The following CTNNA2 variants were observed in gnomAD, a reference collection of about 807,000 sequenced individuals.
The protein encoded by CTNNA2 is catenin alpha-2.
Under a neutral mutation model 101.0 loss-of-function variants are expected in CTNNA2, and 42 were observed. The ratio of observed to expected loss-of-function variants is 0.42; its 90% CI spans 0.32 to 0.54. The LOEUF (loss-of-function observed/expected upper bound fraction) is 0.54, where lower values mean the gene tolerates loss of function less well. Among genes scored for constraint, CTNNA2 ranks in the 20% least tolerant of loss-of-function variants. The probability of loss-of-function intolerance (pLI) is 0.14; values close to 1 mark genes in which losing one functional copy is unlikely to be tolerated. For missense variants in CTNNA2, 871 were observed against 1,223.1 expected (o/e 0.71, Z 4.29); for synonymous variants, 450 against 456.4 (o/e 0.99, Z 0.18).
chr2:80,115,892 T>C (rs1308905464), intron 7 of CTNNA2, among the ~76,000 whole-genome samples: 1 of 152,152 alleles, frequency 6.6e-6, no homozygotes, highest in African/African-American at 2.4e-5. Flanking sequence ...GTGAGATGTA[T>C]TTGGACAGTT....
chr2:80,356,885 C>G (rs572374487), intron 7 of CTNNA2, among the ~76,000 whole-genome samples: 5 of 152,292 alleles, frequency 3.3e-5, no homozygotes, highest in African/African-American at 9.6e-5. Context: ...CTTTTGGTAT[C>G]AAGTATAAAA....
intron 2 of CTNNA2, among the ~76,000 whole-genome samples, chr2:79,724,049 A>G (rs1372930321): frequency 6.6e-6 from 1 of 152,074 alleles, no homozygotes; most frequent in Non-Finnish European, 1.5e-5. Context: ...TTCCTCAACC[A>G]CCATCTCAGT....
At chr2:80,220,640 G>A (rs576026179) in intron 7 of CTNNA2, among the ~76,000 whole-genome samples, 1 of 152,284 alleles carries the variant, frequency 6.6e-6, no homozygotes, top group South Asian at 2.1e-4. Context: ...CATTTGTCAT[G>A]GATAGTCACA....
intron 5 of CTNNA2, among the ~76,000 whole-genome samples, chr2:79,507,913 C>G (rs900268107): frequency 6.6e-6 from 1 of 152,228 alleles, no homozygotes; most frequent in African/African-American, 2.4e-5. Context: ...TTTCACCCAG[C>G]ACACGCCAAT....
intron 1 of CTNNA2, among the ~76,000 whole-genome samples, chr2:79,572,118 G>T (rs1167899728): frequency 6.6e-6 from 1 of 151,904 alleles, no homozygotes; most frequent in Non-Finnish European, 1.5e-5. Flanking sequence ...TTTTAACTTG[G>T]CTGTCTTCCA....
intron 7 of CTNNA2, among the ~76,000 whole-genome samples, chr2:80,141,118 T>C (rs974427177): frequency 2.0e-4 from 31 of 152,076 alleles, no homozygotes; most frequent in African/African-American, 5.8e-4. Context: ...ATGTGCTTCT[T>C]CTTAGGACCG....
At chr2:80,138,360 A>G (rs1702812936) in intron 7 of CTNNA2, among the ~76,000 whole-genome samples, 1 of 152,206 alleles carries the variant, frequency 6.6e-6, no homozygotes, top group Non-Finnish European at 1.5e-5. Flanking sequence ...TAGGCTAGTT[A>G]CATAGCCTAT....
At chr2:80,567,888 A>G (rs111433075) in intron 12 of CTNNA2, among the ~76,000 whole-genome samples, 2,698 of 151,260 alleles carry the variant, frequency 0.018, 42 homozygotes, top group Middle Eastern at 0.031. Flanking sequence ...TCTTTTTTTT[A>G]TTTTATGTTA....
At chr2:80,358,722 A>G (rs1674092296) in intron 7 of CTNNA2, among the ~76,000 whole-genome samples, 1 of 152,112 alleles carries the variant, frequency 6.6e-6, no homozygotes, top group South Asian at 2.1e-4. Flanking sequence ...ATTTCCTTGT[A>G]TATCTTTAAG....
intron 2 of CTNNA2, among the ~76,000 whole-genome samples, chr2:79,218,780 G>A (rs1227211301): frequency 6.6e-6 from 1 of 152,110 alleles, no homozygotes; most frequent in Non-Finnish European, 1.5e-5. Context: ...CTGCTTTAAA[G>A]TTTTTCAAAA....
intron 2 of CTNNA2, among the ~76,000 whole-genome samples, chr2:79,312,517 A>T (rs963374501): frequency 6.6e-6 from 1 of 152,192 alleles, no homozygotes; most frequent in Middle Eastern, 3.2e-3. Flanking sequence ...CCTGTTAGGT[A>T]TTAGATTGTG....
At chr2:79,454,703 TCTCATAAGAGAAATAATGCAGA>T (rs66828136) in intron 4 of CTNNA2, among the ~76,000 whole-genome samples, 50,530 of 151,924 alleles carry the variant, frequency 0.33, 8,900 homozygotes, top group Non-Finnish European at 0.38. Flanking sequence ...AGCCATTATT[TCTCATAAGAGAAATAATGCAGA>T]CTCATAAGAG....
At chr2:80,504,772 C>T (rs1257988840) in intron 9 of CTNNA2, among the ~76,000 whole-genome samples, 3 of 152,210 alleles carry the variant, frequency 2.0e-5, no homozygotes, top group South Asian at 4.2e-4. Context: ...TCATCACTGC[C>T]TGACCTAGGG....
intron 2 of CTNNA2, among the ~76,000 whole-genome samples, chr2:79,249,517 G>C (rs1231282971): frequency 2.0e-5 from 3 of 152,060 alleles, no homozygotes; most frequent in Non-Finnish European, 2.9e-5. Context: ...CTTTTCTTTG[G>C]AGCTTCCAAA....
intron 7 of CTNNA2, among the ~76,000 whole-genome samples, chr2:79,916,442 G>A (rs1686208347): frequency 6.9e-6 from 1 of 145,322 alleles, no homozygotes; most frequent in Non-Finnish European, 1.5e-5. Flanking sequence ...TATTAATTTT[G>A]AACTTCAGAT....
chr2:79,202,727 C>CGTTTGTTTGTTT lies in CTNNA2; in HGVS notation c.-406+4655_-406+4656insGTTTGTTTGTTT, dbSNP rs200047453. Among the ~76,000 whole-genome samples the CGTTTGTTTGTTT allele has an allele frequency of 2.0e-3, 218 of 107,168 alleles. 1 individual carries two copies. Among genetic ancestry groups the CGTTTGTTTGTTT allele is most frequent in the African/African-American group, 5.4e-3 (108 of 20,094 alleles). 70.3% of individuals were successfully genotyped at this position (107,168 alleles called of 152,430 possible). ...GGGGGTGGAAGGGCTTATGGTTCTA[C>CGTTTGTTTGTTT]GTTTCTTTGTTTGTTTGTTTGTTTG... On this transcript the variant is annotated intron_variant, in intron 2 of 21. Coordinates refer to the CTNNA2 transcript ENST00000466387.
At chr2:80,468,501 C>T (rs536078925) in intron 9 of CTNNA2, among the ~76,000 whole-genome samples, 18 of 152,140 alleles carry the variant, frequency 1.2e-4, no homozygotes, top group Non-Finnish European at 2.5e-4. Context: ...TCACTGCAAC[C>T]TCCACCTCCC....
chr2:80,568,314 C>T (rs778552553), intron 12 of CTNNA2, among the ~76,000 whole-genome samples: 24 of 152,130 alleles, frequency 1.6e-4, no homozygotes, highest in Non-Finnish European at 1.2e-4. Context: ...TCACTTTGTC[C>T]GTGAAATACT....
chr2:80,532,844 T>TAATC (rs1241261389), intron 9 of CTNNA2, among the ~76,000 whole-genome samples: 5 of 152,124 alleles, frequency 3.3e-5, no homozygotes, highest in Non-Finnish European at 7.3e-5. Context: ...TTACTTTGAT[T>TAATC]AATCAATTAG....
Sources: gnomAD v4.1 joint callset for allele counts (sites outside exome capture counted in the v4.1 genomes callset) on GRCh38, gnomAD v4.1.1 for gene constraint, MANE v1.5 for transcripts, NCBI Gene and HGNC (gene_info 2026-07-23, HGNC 2026-07-21) for gene names.